The following QRICH1 variants were observed in gnomAD, a reference collection of about 807,000 sequenced individuals.
The protein encoded by QRICH1 is transcriptional regulator QRICH1.
QRICH1 carries 16 observed loss-of-function variants against 87.1 expected under a neutral mutation model. The observed-to-expected ratio is 0.18, with a 90% CI of 0.12 to 0.28. The LOEUF is 0.28. Ranked by LOEUF, QRICH1 falls within the 10% of genes least tolerant of loss-of-function variation. QRICH1 has a pLI of 1.00. For synonymous variants in QRICH1, 367 were observed against 368.4 expected, an observed-to-expected ratio of 1.00 and a Z score of 0.05; for missense variants, 647 against 951.7, an observed-to-expected ratio of 0.68 and a Z score of 4.21.
intron 2 of QRICH1, among the ~76,000 whole-genome samples, chr3:49,072,309 T>TA (rs1031034579): frequency 1.3e-5 from 2 of 151,788 alleles, no homozygotes; most frequent in South Asian, 2.1e-4. Context: ...AATATAAAGA[T>TA]AAAAAATGAG....
intron 4 of QRICH1, among the ~76,000 whole-genome samples, 191 bp from the exon 5 acceptor site, chr3:49,046,770 G>C (rs1462941647): frequency 6.6e-6 from 1 of 152,164 alleles, no homozygotes; most frequent in Non-Finnish European, 1.5e-5. Flanking sequence ...AGAAGGGCTT[G>C]AGTGCCTATC....
At chr3:49,085,797 AC>A (rs2042157171) in intron 1 of QRICH1, among the ~76,000 whole-genome samples, 1 of 151,886 alleles carries the variant, frequency 6.6e-6, no homozygotes, top group Non-Finnish European at 1.5e-5. Context: ...ACCATAAAAT[AC>A]CAAAAACTTG....
rs1284476058 is a variant in QRICH1 at position 49,056,912 on chromosome 3, G to C, written c.1288C>G (p.Gln430Glu). 6.2e-7 allele frequency: 1 copy of C among 1,614,086 alleles called. No homozygotes were observed. The highest frequency in any genetic ancestry group is 1.7e-5 in the Admixed American group (1 of 60,014). Residue 430 changes from glutamine to glutamate, a missense_variant, in exon 3 of 10, where the codon CAG becomes GAG. Gln to Glu is a conservative substitution (Grantham distance 29). Transcript: ENST00000395443. Reference sequence around the variant, plus strand: ...TGCTGCTGCTGTGGTGGTGGTGTCTGTTCCTGGGGAGTTTGCTGCTGCGGC... The same window carrying C: ...TGCTGCTGCTGTGGTGGTGGTGTCTCTTCCTGGGGAGTTTGCTGCTGCGGC... ...QQPQQQTPQE[Q>E]TPPPQQQQQQ...
intron 6 of QRICH1, among the ~76,000 whole-genome samples, chr3:49,039,414 C>T (rs1242981315): frequency 6.6e-6 from 1 of 151,920 alleles, no homozygotes; most frequent in East Asian, 1.9e-4. Flanking sequence ...GGCCCGGTGG[C>T]TCATGCCTGA....
chr3:49,090,242 G>A lies in QRICH1; in HGVS notation c.-22+3670C>T, dbSNP rs563148521. Among the ~76,000 whole-genome samples, 5 of 152,244 alleles carry A rather than the reference G, an allele frequency of 3.3e-5. No homozygotes were observed. The East Asian group carries it at 7.7e-4, about 24-fold the overall frequency. Reference sequence around the variant, plus strand: ...TGGGAGGCCGAGGCGGGCGGATCACGAGGTCAGGAGATCAAGACCATGCTG... The same window carrying A: ...TGGGAGGCCGAGGCGGGCGGATCACAAGGTCAGGAGATCAAGACCATGCTG... On this transcript the variant is annotated intron_variant, in intron 1 of 9. Transcript: ENST00000395443.
At chr3:49,048,543 C>T (rs537115938) in intron 3 of QRICH1, among the ~76,000 whole-genome samples, 2 of 148,924 alleles carry the variant, frequency 1.3e-5, no homozygotes, top group African/African-American at 2.5e-5. Context: ...AGTCCCAGCA[C>T]TTTGGGAGGC....
intron 1 of QRICH1, among the ~76,000 whole-genome samples, chr3:49,078,386 C>CTTTTTTTTT (rs60933196): frequency 2.9e-5 from 2 of 69,826 alleles, no homozygotes; most frequent in Non-Finnish European, 5.1e-5. Context: ...ATTATGGTTC[C>CTTTTTTTTT]TTTTTTTTTT....
At chr3:49,063,450 T>C (rs1429682497) in intron 2 of QRICH1, among the ~76,000 whole-genome samples, 1 of 152,200 alleles carries the variant, frequency 6.6e-6, no homozygotes, top group African/African-American at 2.4e-5. Context: ...GGAAACTATG[T>C]AGCCAATTAC....
At chr3:49,092,680 C>T (rs1468337282) in intron 1 of QRICH1, among the ~76,000 whole-genome samples, 1 of 151,940 alleles carries the variant, frequency 6.6e-6, no homozygotes, top group Non-Finnish European at 1.5e-5. Flanking sequence ...AAAGAGGTGC[C>T]TATTTCTCTA....
At chr3:49,046,900 T>G (rs967699039) in intron 4 of QRICH1, among the ~76,000 whole-genome samples, 169 bp downstream of exon 4, 1 of 152,230 alleles carries the variant, frequency 6.6e-6, no homozygotes, top group African/African-American at 2.4e-5. Context: ...GCTTATTATG[T>G]ACACAAGGTC....
intron 6 of QRICH1, 90 bp downstream of exon 6, chr3:49,044,300 C>T: frequency 9.8e-7 from 1 of 1,023,222 alleles, no homozygotes; most frequent in Non-Finnish European, 1.5e-6. Flanking sequence ...TCCCCCCTCA[C>T]TCACATGCTT....
intron 1 of QRICH1, 135 bp from the exon 2 acceptor site, chr3:49,077,173 T>C (rs1010835340): frequency 1.1e-5 from 5 of 459,536 alleles, no homozygotes; most frequent in Admixed American, 4.3e-5. Flanking sequence ...AGTTTTATTA[T>C]ACCACCTTAT....
chr3:49,034,192 G>A (rs1019980214), intron 6 of QRICH1, among the ~76,000 whole-genome samples: 6 of 151,210 alleles, frequency 4.0e-5, no homozygotes, highest in Non-Finnish European at 5.9e-5. Flanking sequence ...CCTGTAATCC[G>A]AGAACTTTGG....
chr3:49,075,722 G>A (rs938098604), intron 2 of QRICH1, among the ~76,000 whole-genome samples: 3 of 152,270 alleles, frequency 2.0e-5, no homozygotes, highest in Middle Eastern at 3.4e-3. Flanking sequence ...GCCAAGGCAC[G>A]CAGATCTCTT....
At chr3:49,075,118 T>TC (rs1444469116) in intron 2 of QRICH1, among the ~76,000 whole-genome samples, 19 of 150,930 alleles carry the variant, frequency 1.3e-4, no homozygotes, top group Non-Finnish European at 2.8e-4. Context: ...GGCCAAGAGT[T>TC]CAAGACCAGC....
intron 1 of QRICH1, among the ~76,000 whole-genome samples, chr3:49,085,118 G>T (rs2042143650): frequency 6.6e-6 from 1 of 152,080 alleles, no homozygotes. Flanking sequence ...ACTCCAGCCT[G>T]GGCGACAGAG....
chr3:49,065,047 T>G (rs1243471039), intron 2 of QRICH1, among the ~76,000 whole-genome samples: 1 of 152,058 alleles, frequency 6.6e-6, no homozygotes, highest in African/African-American at 2.4e-5. Context: ...AGCCATTATA[T>G]GTTAACATAA....
chr3:49,085,434 T>C (rs1027010256), intron 1 of QRICH1, among the ~76,000 whole-genome samples: 1 of 151,930 alleles, frequency 6.6e-6, no homozygotes, highest in South Asian at 2.1e-4. Flanking sequence ...TGGTTGATCA[T>C]AGTACGATTT....
In QRICH1 at chr3:49,057,699, A is replaced by C. The variant is rs1257660104; in HGVS notation, c.501T>G (p.Ala167=). ...QSPSPSQLQA[A]QIQVQHVQAA... ...CTTGCACGTGCTGCACCTGGATCTG[A>C]GCTGCTTGCAGCTGCGAGGGACTGG... The change falls in exon 3 of 10, where the codon GCT becomes GCG. Residue 167 remains alanine, a synonymous_variant. Transcript: ENST00000395443. This position sits in a 1 kb window ranked among gnomAD's most constrained non-coding sequence, Gnocchi z 5.4. 1 of 1,614,022 alleles carries C rather than the reference A, an allele frequency of 6.2e-7. No individual in the cohort carries two copies. The highest frequency in any genetic ancestry group is 8.5e-7 in the Non-Finnish European group (1 of 1,180,032).
Sources: allele counts gnomAD v4.1 joint callset (sites outside exome capture counted in the v4.1 genomes callset), GRCh38; gene constraint gnomAD v4.1.1; non-coding constraint Gnocchi (gnomAD v3.1); transcripts MANE v1.5; gene names NCBI Gene and HGNC (gene_info 2026-07-23, HGNC 2026-07-21).